PHKA2: variants seen among roughly 807,000 people sequenced by gnomAD.
The protein encoded by PHKA2 is phosphorylase b kinase regulatory subunit alpha, liver isoform.
Under a neutral mutation model 102.0 loss-of-function variants are expected in PHKA2, and 31 were observed. That is an observed-to-expected ratio of 0.30 (90% CI 0.23 to 0.41). The LOEUF (loss-of-function observed/expected upper bound fraction) is 0.41, where lower values mean the gene tolerates loss of function less well. Ranked by LOEUF, PHKA2 falls within the 10% of genes least tolerant of loss-of-function variation. PHKA2 has a pLI of 1.00. For missense variants in PHKA2, 858 were observed against 1,023.1 expected, an observed-to-expected ratio of 0.84 and a Z score of 2.20; for synonymous variants, 455 against 416.2, an observed-to-expected ratio of 1.09 and a Z score of -1.13.
At chrX:18,952,799 C>A (rs2048719674) in intron 2 of PHKA2, among the ~76,000 whole-genome samples, 1 of 112,546 alleles carries the variant, frequency 8.9e-6, no homozygotes, top group African/African-American at 3.2e-5. Flanking sequence ...TTCAGTGACT[C>A]CTCGTTGACA....
Position 18,899,183 on chromosome X carries a change from G to C in PHKA2, c.3101C>G (p.Ser1034Cys). The change falls in exon 29 of 33, where the codon TCC becomes TGC. Residue 1034 changes from serine (S) to cysteine (C), a missense_variant. Ser to Cys is a moderately radical substitution (Grantham distance 112, BLOSUM62 -1). This residue lies in a region of PHKA2 where 671 missense variants were observed against 745.2 expected (regional missense o/e 0.90). Transcript: ENST00000379942. ...GQAASSSAHS[S>C]KSARSSTPSS... ...CCGAGGCACTGTTACCGCAGACTTG[G>C]AGGAATGCGCACTGCTGGACGCGGC... The C allele has an allele frequency of 8.3e-7, 1 of 1,209,491 alleles. No homozygotes were observed. Among genetic ancestry groups the C allele is most frequent in the Non-Finnish European group, 1.1e-6 (1 of 893,310 alleles).
At chrX:18,894,904 G>C (rs1427202426) in intron 31 of PHKA2, 3 of 438,792 alleles carry the variant, frequency 6.8e-6, no homozygotes, top group Non-Finnish European at 1.2e-5. Flanking sequence ...CAAATGCAAA[G>C]AGCTTGCTAG....
At chrX:18,907,177 G>C (rs1478762333) in intron 22 of PHKA2, 80 bp from the exon 23 acceptor site, 1 of 674,583 alleles carries the variant, frequency 1.5e-6, no homozygotes, top group Non-Finnish European at 2.4e-6. Flanking sequence ...GTGGGGAGGA[G>C]ACACTGCCAA....
intron 30 of PHKA2, 173 bp from the exon 31 acceptor site, chrX:18,895,364 A>G: frequency 4.0e-6 from 2 of 500,637 alleles, no homozygotes. Context: ...CACTGCCCAC[A>G]GGCTGTGTTT....
At chrX:18,960,171 A>G (rs977458591) in intron 1 of PHKA2, among the ~76,000 whole-genome samples, 2 of 111,972 alleles carry the variant, frequency 1.8e-5, no homozygotes, top group African/African-American at 6.5e-5. Context: ...GTAACAAACA[A>G]CATTAACATC....
At chrX:18,950,478 A>G (rs902354794) in intron 4 of PHKA2, among the ~76,000 whole-genome samples, 1 of 112,183 alleles carries the variant, frequency 8.9e-6, no homozygotes, top group African/African-American at 3.2e-5. Flanking sequence ...AGGGAAGCTA[A>G]GAGAGCCAGC....
intron 1 of PHKA2, among the ~76,000 whole-genome samples, chrX:18,969,555 T>A (rs2048993018): frequency 9.0e-6 from 1 of 111,681 alleles, no homozygotes; most frequent in Non-Finnish European, 1.9e-5. Flanking sequence ...TTGTTTTTTA[T>A]AGTATGTGAC....
At chrX:18,917,463 T>TGG (rs1276580832) in intron 19 of PHKA2, among the ~76,000 whole-genome samples, 1 of 109,585 alleles carries the variant, frequency 9.1e-6, no homozygotes, top group Non-Finnish European at 1.9e-5. Flanking sequence ...TTCACCATGT[T>TGG]GGCCAGGCTA....
intron 11 of PHKA2, among the ~76,000 whole-genome samples, chrX:18,932,046 G>A (rs2048324704): frequency 8.9e-6 from 1 of 112,539 alleles, no homozygotes; most frequent in African/African-American, 3.2e-5. Flanking sequence ...CTGGCCATGA[G>A]AACTCTCATG....
Position 18,893,281 on chromosome X carries a change from G to A in PHKA2, c.*204C>T. ...AAATGATCCCGGGGTGCTCCTTGCG[G>A]GGGAACACAGGACTCCTCAGCTCTA... On this transcript the variant is annotated 3_prime_UTR_variant, in exon 33 of 33. Coordinates refer to ENST00000379942, the MANE Select transcript of PHKA2 (RefSeq NM_000292.3). The A allele has an allele frequency of 2.1e-6, 1 of 466,089 alleles. No homozygotes were observed. The highest frequency in any genetic ancestry group is 3.8e-6 in the Non-Finnish European group (1 of 263,650). The allele number at this position is 466,089 out of a possible 1,213,427, so 38.4% of individuals were successfully genotyped here.
In PHKA2 at chrX:18,907,080, A is replaced by C; in HGVS notation, c.2535T>G (p.Leu845=). 1 of 1,189,246 alleles carries C rather than the reference A, an allele frequency of 8.4e-7. No individual in the cohort carries two copies. Among genetic ancestry groups the C allele is most frequent in the Non-Finnish European group, 1.1e-6 (1 of 883,543 alleles). Residue 845 remains leucine (L), a synonymous_variant, in exon 23 of 33, where the codon CTT becomes CTG. Coordinates refer to ENST00000379942, the MANE Select transcript of PHKA2 (RefSeq NM_000292.3). ...CCACGGTGAGCTGCTTCTGGTGCGA[A>C]AGCAGGTCTGTGCAGGCCTGCGCAG... ...EVLAEACTDL[L]SHQKQLTVGL... is the part of the protein sequence containing the mutation.
At chrX:18,899,291 G>C in intron 28 of PHKA2, 65 bp from the exon 29 acceptor site, 1 of 940,877 alleles carries the variant, frequency 1.1e-6, no homozygotes, top group Non-Finnish European at 1.5e-6. Flanking sequence ...CAGAGAGGAG[G>C]GTCATGGAGC....
chrX:18,918,924 C>T, intron 18 of PHKA2, 70 bp from the exon 19 acceptor site: 1 of 954,326 alleles, frequency 1.0e-6, no homozygotes, highest in Non-Finnish European at 1.5e-6. Context: ...ACAATAGTGA[C>T]CATGGGTAGC....
At chrX:18,950,754 A>G (rs1257562633) in intron 4 of PHKA2, among the ~76,000 whole-genome samples, 1 of 112,402 alleles carries the variant, frequency 8.9e-6, no homozygotes, top group Non-Finnish European at 1.9e-5. Context: ...GACTCCTCCC[A>G]TCCTACATAT....
At chrX:18,980,238 T>C (rs1295168299) in intron 1 of PHKA2, among the ~76,000 whole-genome samples, 5 of 112,743 alleles carry the variant, frequency 4.4e-5, no homozygotes, top group Admixed American at 9.3e-5. Flanking sequence ...CCCACTGAGA[T>C]AGCCTGAGAT....
chrX:18,938,896 T>C, intron 9 of PHKA2, 147 bp from the exon 10 acceptor site: 1 of 512,738 alleles, frequency 2.0e-6, no homozygotes. Flanking sequence ...AGATGCTGTT[T>C]TTGGCAGTTT....
At chrX:18,943,865 T>C in intron 6 of PHKA2, 57 bp from the exon 7 acceptor site, 3 of 834,247 alleles carry the variant, frequency 3.6e-6, no homozygotes, top group Non-Finnish European at 5.5e-6. Context: ...CTCCAATATC[T>C]GGTGTTCCTT....
At chrX:18,901,664 G>A in intron 26 of PHKA2, 61 bp from the exon 27 acceptor site, 1 of 776,954 alleles carries the variant, frequency 1.3e-6, no homozygotes, top group Non-Finnish European at 2.0e-6. Flanking sequence ...CCCGAGGCAG[G>A]ATCTGCCCCT....
rs1334945337 is a variant in PHKA2, at chrX:18,941,642, T to G, written c.751A>C (p.Thr251Pro). 1 of 1,170,756 alleles carries G rather than the reference T, an allele frequency of 8.5e-7. No homozygotes were observed. Among genetic ancestry groups the G allele is most frequent in the Non-Finnish European group, 1.2e-6 (1 of 857,590 alleles). ...ILFSMLPRAS[T>P]SKEIDAGLLS... ...AGTCCAGCATCAATTTCTTTAGATG[T>G]CGACGCTCTTGGCAGCATGGAGAAC... The change falls in exon 8 of 33, where the codon ACA becomes CCA. Residue 251 changes from threonine (T) to proline (P), a missense_variant. Around this residue, in one of 2 missense-constraint regions of PHKA2, gnomAD observed 187 missense variants for 277.9 expected, o/e 0.67. Transcript: ENST00000379942.
Sources: allele counts gnomAD v4.1 joint callset (sites outside exome capture counted in the v4.1 genomes callset), GRCh38; gene constraint gnomAD v4.1.1; regional missense constraint gnomAD v4.1.1; transcripts MANE v1.5; gene names NCBI Gene and HGNC (gene_info 2026-07-23, HGNC 2026-07-21).